MAST4: variants seen among roughly 807,000 people sequenced by gnomAD.
The protein encoded by MAST4 is microtubule associated serine/threonine kinase family member 4, also known as microtubule-associated serine/threonine-protein kinase 4.
MAST4 carries 89 observed loss-of-function variants against 162.7 expected under a neutral mutation model. The ratio of observed to expected loss-of-function variants is 0.55; its 90% CI spans 0.46 to 0.65. The LOEUF is 0.65. MAST4 is among the 30% of genes least tolerant of loss of function. MAST4 has a pLI of 0.00. For synonymous variants in MAST4, 1,479 were observed against 1,361.1 expected (o/e 1.09, Z -1.91); for missense variants, 3,153 against 3,374.0 (o/e 0.93, Z 1.62).
At chr5:66,675,535 A>G (rs973364062) in intron 1 of MAST4, among the ~76,000 whole-genome samples, 1 of 152,200 alleles carries the variant, frequency 6.6e-6, no homozygotes, top group Non-Finnish European at 1.5e-5. Flanking sequence ...TGTACAAGTC[A>G]TAACTGATTG....
chr5:66,678,049 T>G (rs1748073740), intron 1 of MAST4, among the ~76,000 whole-genome samples: 1 of 152,192 alleles, frequency 6.6e-6, no homozygotes, highest in African/African-American at 2.4e-5. Flanking sequence ...AATCTAAAGC[T>G]GCAAGTGCTG....
At chr5:66,836,987 T>C (rs1758013642) in intron 3 of MAST4, among the ~76,000 whole-genome samples, 1 of 144,120 alleles carries the variant, frequency 6.9e-6, no homozygotes, top group Non-Finnish European at 1.5e-5. Flanking sequence ...TACATAGACA[T>C]ACATACATGT....
At position 67,095,615 on chromosome 5, in the gene MAST4, G is replaced by C; in HGVS notation, c.852G>C (p.Trp284Cys). 1 of 1,609,570 alleles carries C rather than the reference G, an allele frequency of 6.2e-7. No individual in the cohort carries two copies. The highest frequency in any genetic ancestry group is 8.5e-7 in the Non-Finnish European group (1 of 1,177,654). ...SFARRTDGRR[W>C]SLASLPSSGY... ...TCAATAGGACTGATGGACGCCGCTG[G>C]TCGTTGGCTTCTCTCCCTTCCTCTG... Residue 284 changes from tryptophan (W) to cysteine (C), a missense_variant, in exon 7 of 29, where the codon TGG (tryptophan) becomes TGC (cysteine). This residue lies in a region of MAST4 where 360 missense variants were observed against 450.0 expected (regional missense o/e 0.80). Transcript: ENST00000403625.
At chr5:66,724,993 A>C (rs1351902008) in intron 1 of MAST4, among the ~76,000 whole-genome samples, 1 of 151,930 alleles carries the variant, frequency 6.6e-6, no homozygotes, top group Admixed American at 6.6e-5. Flanking sequence ...AATGCTTAAA[A>C]TTATTATTTC....
chr5:67,079,451 T>C (rs1339476255), intron 5 of MAST4, among the ~76,000 whole-genome samples: 2 of 152,156 alleles, frequency 1.3e-5, no homozygotes, highest in Non-Finnish European at 2.9e-5. Context: ...GATAGGTACA[T>C]ACCCTATCAA....
chr5:67,012,201 C>A (rs183858643), intron 4 of MAST4, among the ~76,000 whole-genome samples: 2 of 152,202 alleles, frequency 1.3e-5, no homozygotes, highest in East Asian at 3.9e-4. Flanking sequence ...AGATAGAGAC[C>A]ATTTGCCTTC....
At chr5:67,030,562 T>A (rs913323659) in intron 4 of MAST4, among the ~76,000 whole-genome samples, 4 of 152,122 alleles carry the variant, frequency 2.6e-5, no homozygotes, top group Non-Finnish European at 5.9e-5. Context: ...TGGGGCAAAT[T>A]GGTCAGAGTC....
chr5:66,782,716 A>G (rs939622680), intron 2 of MAST4, among the ~76,000 whole-genome samples: 10 of 152,234 alleles, frequency 6.6e-5, no homozygotes, highest in Non-Finnish European at 1.5e-4. Context: ...AACAAGCTCA[A>G]TTTGGTATTA....
intron 4 of MAST4, among the ~76,000 whole-genome samples, chr5:66,921,562 G>A (rs1053202877): frequency 2.6e-5 from 4 of 152,124 alleles, no homozygotes; most frequent in Admixed American, 2.6e-4. Flanking sequence ...TTCGAGACCA[G>A]CCTGGCCAAC....
At chr5:66,617,232 A>T (rs1002238683) in intron 1 of MAST4, among the ~76,000 whole-genome samples, 1 of 152,210 alleles carries the variant, frequency 6.6e-6, no homozygotes, top group Non-Finnish European at 1.5e-5. Flanking sequence ...GCTTTTGAAA[A>T]TGTGGCTAAT....
intron 2 of MAST4, among the ~76,000 whole-genome samples, chr5:66,762,051 G>A (rs1025158616): frequency 3.9e-5 from 6 of 152,032 alleles, no homozygotes; most frequent in African/African-American, 1.4e-4. Flanking sequence ...ATAATGCAAG[G>A]GTATGGCTGT....
intron 4 of MAST4, among the ~76,000 whole-genome samples, chr5:66,980,766 A>T (rs969584543): frequency 6.6e-6 from 1 of 152,218 alleles, no homozygotes; most frequent in East Asian, 1.9e-4. Context: ...CCTTTCAGTT[A>T]TCACTCTTCT....
intron 3 of MAST4, among the ~76,000 whole-genome samples, chr5:66,798,657 T>C (rs1217426870): frequency 6.6e-6 from 1 of 152,342 alleles, no homozygotes; most frequent in Admixed American, 6.5e-5. Flanking sequence ...AATTGGGTTC[T>C]AGTATGTCAC....
chr5:66,858,327 T>A (rs910627196), intron 3 of MAST4, among the ~76,000 whole-genome samples: 2 of 152,086 alleles, frequency 1.3e-5, no homozygotes, highest in Admixed American at 1.3e-4. Context: ...AATTTTAAAG[T>A]TGTGTTTTGA....
chr5:67,071,479 G>T (rs767614141), intron 5 of MAST4, among the ~76,000 whole-genome samples: 1 of 152,024 alleles, frequency 6.6e-6, no homozygotes, highest in Non-Finnish European at 1.5e-5. Context: ...ATGGCTGGGC[G>T]TGGTGGCTCA....
intron 10 of MAST4, among the ~76,000 whole-genome samples, chr5:67,107,928 G>C (rs1033001426): frequency 6.6e-6 from 1 of 152,198 alleles, no homozygotes; most frequent in African/African-American, 2.4e-5. Flanking sequence ...CAGGGTATCC[G>C]TTAGTGTTTC....
At chr5:66,720,053 C>T (rs577302090) in intron 1 of MAST4, among the ~76,000 whole-genome samples, 2 of 152,218 alleles carry the variant, frequency 1.3e-5, no homozygotes, top group Non-Finnish European at 2.9e-5. Flanking sequence ...AAGCACTTTA[C>T]GTATTTCTGA....
chr5:66,662,086 T>A (rs62362318), intron 1 of MAST4, among the ~76,000 whole-genome samples: 4 of 152,054 alleles, frequency 2.6e-5, no homozygotes, highest in African/African-American at 7.2e-5. Flanking sequence ...TTTTTTTTTT[T>A]AATGAGCACT....
chr5:66,657,807 T>C (rs1192373056), intron 1 of MAST4, among the ~76,000 whole-genome samples: 1 of 152,214 alleles, frequency 6.6e-6, no homozygotes, highest in East Asian at 1.9e-4. Context: ...GGTTCCTTCA[T>C]TCTAATTAAA....
Sources: gnomAD v4.1 joint callset for allele counts (sites outside exome capture counted in the v4.1 genomes callset) on GRCh38, gnomAD v4.1.1 for gene constraint, gnomAD v4.1.1 regional missense constraint, MANE v1.5 for transcripts, NCBI Gene and HGNC (gene_info 2026-07-23, HGNC 2026-07-21) for gene names.